Variants in ABTB3 observed in about 807,000 individuals in gnomAD.
ABTB3 encodes the protein ankyrin repeat- and BTB/POZ domain-containing protein 3.
the ABTB3 span, among the ~76,000 whole-genome samples, chr12:107,502,398 G>A: frequency 6.6e-6 from 1 of 151,838 alleles, no homozygotes; most frequent in Non-Finnish European, 1.5e-5. Context: ...AACTCCCCAC[G>A]TTATTCTCAT....
At chr12:107,389,852 GT>G in the ABTB3 span, among the ~76,000 whole-genome samples, 1 of 11,588 alleles carries the variant, frequency 8.6e-5, no homozygotes, top group Non-Finnish European at 3.0e-4. Context: ...GTGTTTGTGT[GT>G]GTGTGTGTGT....
chr12:107,493,443 C>G, the ABTB3 span, among the ~76,000 whole-genome samples: 1 of 152,274 alleles, frequency 6.6e-6, no homozygotes, highest in East Asian at 1.9e-4. Flanking sequence ...TGCATCTATC[C>G]AAAAAGCAGC....
chr12:107,551,444 A>G, the ABTB3 span, among the ~76,000 whole-genome samples: 154 of 152,376 alleles, frequency 1.0e-3, 1 homozygote, highest in African/African-American at 3.4e-3. Flanking sequence ...TCCTCTGGCC[A>G]TGGTAAAAAC....
At chr12:107,377,353 C>T in the ABTB3 span, among the ~76,000 whole-genome samples, 1 of 152,246 alleles carries the variant, frequency 6.6e-6, no homozygotes, top group South Asian at 2.1e-4. Context: ...TCTCACCCTT[C>T]CCTGCCACTG....
the ABTB3 span, among the ~76,000 whole-genome samples, chr12:107,448,645 CTTT>C: frequency 3.0e-5 from 4 of 134,030 alleles, no homozygotes; most frequent in African/African-American, 1.4e-4. Flanking sequence ...TTCTTTCTTT[CTTT>C]TTTTTTTTTG....
At chr12:107,513,878 A>G in the ABTB3 span, among the ~76,000 whole-genome samples, 1 of 152,158 alleles carries the variant, frequency 6.6e-6, no homozygotes, top group Non-Finnish European at 1.5e-5. Flanking sequence ...CAGCTTTCAT[A>G]TTTTTTGTTC....
the ABTB3 span, among the ~76,000 whole-genome samples, chr12:107,463,997 C>A: frequency 6.6e-6 from 1 of 152,206 alleles, no homozygotes; most frequent in Admixed American, 6.5e-5. Flanking sequence ...GATACAGATG[C>A]TCTCCAAGGC....
chr12:107,364,763 G>A, the ABTB3 span, among the ~76,000 whole-genome samples: 1 of 152,200 alleles, frequency 6.6e-6, no homozygotes, highest in African/African-American at 2.4e-5. Context: ...GTCACCATAT[G>A]TCTAGTGCTT....
At chr12:107,406,088 C>G in the ABTB3 span, among the ~76,000 whole-genome samples, 1 of 152,208 alleles carries the variant, frequency 6.6e-6, no homozygotes, top group Non-Finnish European at 1.5e-5. Context: ...GCATAAGTCA[C>G]TTAACCTGCC....
chr12:107,485,080 G>A, the ABTB3 span, among the ~76,000 whole-genome samples: 1 of 152,112 alleles, frequency 6.6e-6, no homozygotes, highest in Non-Finnish European at 1.5e-5. Flanking sequence ...ACCATAAGCT[G>A]ATAGATTACA....
chr12:107,464,834 G>T, the ABTB3 span, among the ~76,000 whole-genome samples: 37 of 152,304 alleles, frequency 2.4e-4, no homozygotes, highest in South Asian at 7.0e-3. Flanking sequence ...GGCAATGTCT[G>T]CAAACATTTC....
chr12:107,505,880 G>T, the ABTB3 span, among the ~76,000 whole-genome samples: 1 of 152,124 alleles, frequency 6.6e-6, no homozygotes, highest in African/African-American at 2.4e-5. Context: ...TTTTATGGCT[G>T]CATAGTATTC....
the ABTB3 span, among the ~76,000 whole-genome samples, chr12:107,428,110 C>T: frequency 6.6e-6 from 1 of 152,204 alleles, no homozygotes; most frequent in African/African-American, 2.4e-5. Context: ...CAGCATCTCT[C>T]GCAGTGTCTG....
the ABTB3 span, among the ~76,000 whole-genome samples, chr12:107,437,725 T>C: frequency 6.6e-6 from 1 of 152,140 alleles, no homozygotes; most frequent in Non-Finnish European, 1.5e-5. Context: ...CCAGCCTGCT[T>C]TTCTTTTACA....
chr12:107,545,998 G>A, the ABTB3 span, among the ~76,000 whole-genome samples: 2 of 152,196 alleles, frequency 1.3e-5, no homozygotes, highest in African/African-American at 4.8e-5. Flanking sequence ...ATCTCACTCA[G>A]CCGACTTTCA....
chr12:107,492,466 TG>T, the ABTB3 span, among the ~76,000 whole-genome samples: 1 of 152,150 alleles, frequency 6.6e-6, no homozygotes, highest in Non-Finnish European at 1.5e-5. Context: ...GATGTGCACT[TG>T]GCATTTCTGG....
the ABTB3 span, among the ~76,000 whole-genome samples, chr12:107,531,660 C>T: frequency 1.3e-5 from 2 of 152,236 alleles, no homozygotes; most frequent in Non-Finnish European, 2.9e-5. Flanking sequence ...CCAAGCCTAG[C>T]ATAGGGAGAT....
At chr12:107,587,934 C>G in the ABTB3 span, among the ~76,000 whole-genome samples, 1 of 152,184 alleles carries the variant, frequency 6.6e-6, no homozygotes, top group South Asian at 2.1e-4. Context: ...ATTGTCTCAC[C>G]TTTCTAGAGG....
chr12:107,507,632 C>T, the ABTB3 span, among the ~76,000 whole-genome samples: 16,439 of 152,188 alleles, frequency 0.11, 948 homozygotes, highest in African/African-American at 0.14. Context: ...CTGGCCCCTG[C>T]CCACCTCATG....
Sources: allele counts gnomAD v4.1 joint callset (sites outside exome capture counted in the v4.1 genomes callset), GRCh38; gene constraint gnomAD v4.1.1; transcripts MANE v1.5; gene names NCBI Gene and HGNC (gene_info 2026-07-23, HGNC 2026-07-21).